The following GATB variants were observed in gnomAD, a reference collection of about 807,000 sequenced individuals.
The protein encoded by GATB is glutamyl-tRNA(Gln) amidotransferase subunit B, mitochondrial.
In GATB, 39 loss-of-function variants were observed where a neutral mutation model predicts 62.3. The observed-to-expected ratio is 0.63, with a 90% CI of 0.48 to 0.82. The LOEUF is 0.82. Ranked by LOEUF, GATB falls within the 40% of genes least tolerant of loss-of-function variation. The probability of loss-of-function intolerance (pLI) is 0.00; values close to 1 mark genes in which losing one functional copy is unlikely to be tolerated. For missense variants in GATB, 670 were observed against 684.0 expected, an observed-to-expected ratio of 0.98 and a Z score of 0.23; for synonymous variants, 276 against 258.9, an observed-to-expected ratio of 1.07 and a Z score of -0.63.
intron 10 of GATB, among the ~76,000 whole-genome samples, chr4:151,688,003 G>C (rs183535319): frequency 1.3e-5 from 2 of 152,284 alleles, no homozygotes; most frequent in East Asian, 3.9e-4. Flanking sequence ...TGGTGATAAA[G>C]GCAGACACAG....
intron 11 of GATB, among the ~76,000 whole-genome samples, chr4:151,679,160 C>T (rs1738079261): frequency 6.6e-6 from 1 of 152,182 alleles, no homozygotes; most frequent in Non-Finnish European, 1.5e-5. Flanking sequence ...TACCAAAGTG[C>T]TGGGATTACA....
intron 2 of GATB, among the ~76,000 whole-genome samples, chr4:151,743,686 C>T (rs763482351): frequency 6.6e-6 from 1 of 152,198 alleles, no homozygotes; most frequent in Non-Finnish European, 1.5e-5. Flanking sequence ...GTCCCAACAG[C>T]AGTTCTCTCA....
chr4:151,683,509 C>A (rs960510681), intron 10 of GATB, among the ~76,000 whole-genome samples: 17 of 152,304 alleles, frequency 1.1e-4, no homozygotes, highest in African/African-American at 3.1e-4. Flanking sequence ...TGACCCCTAG[C>A]CGTGAGGAGG....
At chr4:151,724,106 T>C (rs1739085297) in intron 2 of GATB, 1 of 152,198 alleles carries the variant, frequency 6.6e-6, no homozygotes, top group Admixed American at 6.5e-5. Context: ...GCGACCCCAA[T>C]TTGAGAAACA....
At chr4:151,684,904 C>A (rs1033974559) in intron 10 of GATB, among the ~76,000 whole-genome samples, 2 of 152,128 alleles carry the variant, frequency 1.3e-5, no homozygotes, top group African/African-American at 2.4e-5. Context: ...CCTTTAGAGG[C>A]CACCAAAATG....
intron 2 of GATB, chr4:151,722,136 T>C: frequency 2.9e-6 from 2 of 694,634 alleles, no homozygotes; most frequent in Non-Finnish European, 5.2e-6. Flanking sequence ...TCAAGCTGCT[T>C]GTGACAGATG....
At chr4:151,760,675 G>A (rs982829408) in intron 1 of GATB, 132 bp downstream of exon 1, 3 of 700,506 alleles carry the variant, frequency 4.3e-6, no homozygotes, top group Non-Finnish European at 6.5e-6. Context: ...TAGGTTTCGG[G>A]GCTCCAGGTT....
intron 10 of GATB, among the ~76,000 whole-genome samples, chr4:151,682,554 G>A (rs761597265): frequency 5.3e-5 from 8 of 152,052 alleles, no homozygotes; most frequent in South Asian, 2.1e-4. Context: ...CTCTGAGGCC[G>A]CGGTTCGACA....
chr4:151,715,058 A>G (rs1425911738), intron 5 of GATB, among the ~76,000 whole-genome samples: 2 of 152,250 alleles, frequency 1.3e-5, no homozygotes, highest in Non-Finnish European at 2.9e-5. Context: ...CAAATCCAGA[A>G]GTCCCCCTGT....
At chr4:151,683,096 T>G (rs1738175286) in intron 10 of GATB, among the ~76,000 whole-genome samples, 1 of 152,212 alleles carries the variant, frequency 6.6e-6, no homozygotes, top group South Asian at 2.1e-4. Context: ...CCGTGTCCTG[T>G]GGCTTGAATC....
In GATB at chr4:151,752,739, C is replaced by T. The variant is rs893287006; in HGVS notation, c.327+6033G>A. On this transcript the variant is annotated intron_variant, in intron 2 of 12. Transcript: ENST00000263985. ...TTACCCTGTGCATTATCTATAGCCT[C>T]CTATTTCCTTTAGTTTTCTTTTTTA... is the stretch of plus-strand genomic sequence containing the variant. Among the ~76,000 whole-genome samples the T allele has an allele frequency of 5.9e-5, 9 of 152,132 alleles. No homozygotes were observed. The East Asian group carries it at 1.5e-3, about 26-fold the overall frequency.
At chr4:151,757,184 T>G (rs1739848037) in intron 2 of GATB, among the ~76,000 whole-genome samples, 1 of 152,126 alleles carries the variant, frequency 6.6e-6, no homozygotes, top group Non-Finnish European at 1.5e-5. Flanking sequence ...GATCTCTAAG[T>G]CAGAGAGAGA....
chr4:151,698,218 A>G (rs1014684797), intron 9 of GATB, among the ~76,000 whole-genome samples: 3 of 151,862 alleles, frequency 2.0e-5, no homozygotes, highest in African/African-American at 4.8e-5. Context: ...CCACCCAGTC[A>G]TGGAGTACCT....
intron 9 of GATB, among the ~76,000 whole-genome samples, chr4:151,699,108 G>A (rs1392997847): frequency 6.6e-6 from 1 of 152,080 alleles, no homozygotes; most frequent in Non-Finnish European, 1.5e-5. Context: ...TGCTGAACCA[G>A]GCCGGGTGTG....
chr4:151,747,571 C>G (rs941228389), intron 2 of GATB, among the ~76,000 whole-genome samples: 3 of 152,122 alleles, frequency 2.0e-5, no homozygotes, highest in Admixed American at 2.0e-4. Flanking sequence ...CCTCCATAGT[C>G]CAGGGTACAG....
rs1398967335 is a variant in GATB, at chr4:151,716,937, G to A, written c.579C>T (p.Asp193=). ...GGTTGTCGTGGAGGCTTTTGCCACTGTCTTGCTCCAACTGGATCTGCTTGA... is the reference window on the plus strand; with the variant it reads ...GGTTGTCGTGGAGGCTTTTGCCACTATCTTGCTCCAACTGGATCTGCTTGA... The part of the protein sequence containing the change: ...VRIKQIQLEQ[D]SGKSLHDNLR... The change falls in exon 4 of 13, where the codon GAC becomes GAT. Residue 193 remains aspartate (D), a synonymous_variant. Transcript: ENST00000263985. The A allele has an allele frequency of 6.2e-7, 1 of 1,614,050 alleles. No homozygotes were observed. Among genetic ancestry groups the A allele is most frequent in the Non-Finnish European group, 8.5e-7 (1 of 1,180,036 alleles).
Position 151,697,935 on chromosome 4 carries a change from A to ATG in GATB, c.1197+3393_1197+3394insCA, listed in dbSNP as rs1199222631. On this transcript the variant is annotated intron_variant, in intron 9 of 12. Coordinates refer to ENST00000263985, the MANE Select transcript of GATB (RefSeq NM_004564.3). ...AAACAAACAAAAATCGATTTCATAT[A>ATG]TATGTGTGTGTGTGTGTGTATATAT... Among the ~76,000 whole-genome samples the ATG allele has an allele frequency of 3.5e-3, 259 of 74,664 alleles. 12 individuals are homozygous for ATG. Among genetic ancestry groups the ATG allele is most frequent in the African/African-American group, 0.018 (212 of 12,094 alleles). The allele number at this position is 74,664 out of a possible 152,430, so 49.0% of individuals were successfully genotyped here. A position where few individuals can be genotyped will look rare whatever the true frequency, so the allele number is the denominator to read the frequency against.
intron 6 of GATB, among the ~76,000 whole-genome samples, chr4:151,705,573 G>T (rs900615143): frequency 6.6e-6 from 1 of 152,134 alleles, no homozygotes; most frequent in African/African-American, 2.4e-5. Context: ...CCAATATCTC[G>T]GTCTGAGATT....
At chr4:151,694,677 T>C (rs965155757) in intron 9 of GATB, among the ~76,000 whole-genome samples, 6 of 152,206 alleles carry the variant, frequency 3.9e-5, no homozygotes, top group Admixed American at 1.3e-4. Flanking sequence ...GGTGAGTACT[T>C]TGCACCTCAG....
Sources: gnomAD v4.1 joint callset for allele counts (sites outside exome capture counted in the v4.1 genomes callset) on GRCh38, gnomAD v4.1.1 for gene constraint, MANE v1.5 for transcripts, NCBI Gene and HGNC (gene_info 2026-07-23, HGNC 2026-07-21) for gene names.